KLHL29: variants seen among roughly 807,000 people sequenced by gnomAD.
KLHL29 encodes the protein kelch like family member 29, also known as kelch-like protein 29.
KLHL29 carries 21 observed loss-of-function variants against 80.4 expected under a neutral mutation model. That is an observed-to-expected ratio of 0.26 (90% CI 0.19 to 0.38). KLHL29 has a LOEUF of 0.38. KLHL29 is among the 10% of genes least tolerant of loss of function. The probability of loss-of-function intolerance (pLI) is 1.00; values close to 1 mark genes in which losing one functional copy is unlikely to be tolerated. For synonymous variants in KLHL29, 511 were observed against 526.8 expected, an observed-to-expected ratio of 0.97 and a Z score of 0.41; for missense variants, 867 against 1,223.9, an observed-to-expected ratio of 0.71 and a Z score of 4.35.
At chr2:23,548,083 G>C (rs1667024198) in intron 2 of KLHL29, among the ~76,000 whole-genome samples, 1 of 152,204 alleles carries the variant, frequency 6.6e-6, no homozygotes, top group Non-Finnish European at 1.5e-5. Context: ...GCCGAGGCAG[G>C]GCCCTGGGGA....
intron 1 of KLHL29, among the ~76,000 whole-genome samples, chr2:23,472,266 C>T (rs1470915716): frequency 5.9e-5 from 9 of 152,218 alleles, no homozygotes; most frequent in African/African-American, 2.2e-4. Flanking sequence ...TGGTTGGGGT[C>T]GGCAAAGATG....
rs150131401 is a variant in KLHL29, at chr2:23,670,917, G to GCGCGCGCACTCTCT, written c.941-13481_941-13480insGCGCGCACTCTCTC. On this transcript the variant is annotated intron_variant, in intron 5 of 13. Coordinates refer to ENST00000486442, the MANE Select transcript of KLHL29 (RefSeq NM_052920.2). Reference sequence around the variant, plus strand: ...GAGGGGTCTCTACACACATGCACGCGCTCTCTCTCTCTCTCTCTCTCTCTC... The same window carrying GCGCGCGCACTCTCT: ...GAGGGGTCTCTACACACATGCACGCGCGCGCGCACTCTCTCTCTCTCTCTCTCTCTCTCTCTCTC... Among the ~76,000 whole-genome samples, 54 of 18,566 alleles carry GCGCGCGCACTCTCT rather than the reference G, an allele frequency of 2.9e-3. 17 individuals are homozygous for GCGCGCGCACTCTCT. The highest frequency in any genetic ancestry group is 3.8e-3 in the East Asian group (2 of 528). 12.2% of individuals were successfully genotyped at this position (18,566 alleles called of 152,430 possible).
chr2:23,404,787 T>C (rs1307431763), intron 1 of KLHL29, among the ~76,000 whole-genome samples: 4 of 152,250 alleles, frequency 2.6e-5, no homozygotes, highest in African/African-American at 9.6e-5. Flanking sequence ...TTTTATGTCT[T>C]ATTCCCAGAA....
At chr2:23,555,911 G>A (rs1308008576) in intron 2 of KLHL29, among the ~76,000 whole-genome samples, 1 of 152,240 alleles carries the variant, frequency 6.6e-6, no homozygotes, top group Non-Finnish European at 1.5e-5. Context: ...GCTGCATTTG[G>A]TGATGCTGGG....
chr2:23,553,479 C>G (rs1487892978), intron 2 of KLHL29, among the ~76,000 whole-genome samples: 1 of 152,136 alleles, frequency 6.6e-6, no homozygotes, highest in East Asian at 1.9e-4. Flanking sequence ...AATGTGAGGC[C>G]TTGGGTCCAG....
intron 3 of KLHL29, among the ~76,000 whole-genome samples, chr2:23,630,024 G>C (rs1558415566): frequency 6.6e-6 from 1 of 152,210 alleles, no homozygotes; most frequent in Non-Finnish European, 1.5e-5. Flanking sequence ...TTTCCAGAAG[G>C]AAGAAGGAGG....
At chr2:23,612,943 A>G (rs752563274) in intron 3 of KLHL29, among the ~76,000 whole-genome samples, 2 of 152,228 alleles carry the variant, frequency 1.3e-5, no homozygotes, top group Non-Finnish European at 2.9e-5. Flanking sequence ...CAACATATAT[A>G]GAGAGAAATA....
Position 23,555,490 on chromosome 2 carries a change from CTGGCACCCCATGATGCTG to C in KLHL29, c.-45-6661_-45-6644del, listed in dbSNP as rs375960260. On this transcript the variant is annotated intron_variant, in intron 2 of 13. Coordinates refer to ENST00000486442, the MANE Select transcript of KLHL29 (RefSeq NM_052920.2). ...CTCATTCCTGCCTCTCCCAGGTGCT[CTGGCACCCCATGATGCTG>C]ACCATGCTGAAGATTTGGCCCCATG... Among the ~76,000 whole-genome samples the C allele has an allele frequency of 7.5e-4, 114 of 152,366 alleles. 1 individual carries two copies. The highest frequency in any genetic ancestry group is 2.7e-3 in the African/African-American group (113 of 41,590).
At chr2:23,634,064 G>C (rs1267142398) in intron 3 of KLHL29, among the ~76,000 whole-genome samples, 1 of 152,118 alleles carries the variant, frequency 6.6e-6, no homozygotes, top group Admixed American at 6.5e-5. Flanking sequence ...CCCTGGTGTA[G>C]GTGTCCCATT....
intron 2 of KLHL29, among the ~76,000 whole-genome samples, chr2:23,497,929 G>A (rs751435984): frequency 9.9e-5 from 15 of 152,160 alleles, no homozygotes; most frequent in Non-Finnish European, 2.1e-4. Context: ...TGGAACTACG[G>A]GAAGGGCTGA....
intron 2 of KLHL29, among the ~76,000 whole-genome samples, chr2:23,496,538 C>T (rs1307465570): frequency 6.6e-6 from 1 of 152,168 alleles, no homozygotes; most frequent in African/African-American, 2.4e-5. Context: ...AAAAGGGTAC[C>T]CCGCCAGTGT....
In KLHL29 at chr2:23,455,637, A is replaced by T. The variant is rs556451507; in HGVS notation, c.-153-19923A>T. Among the ~76,000 whole-genome samples, 58 of 124,564 alleles carry T rather than the reference A, an allele frequency of 4.7e-4. 1 individual carries two copies. The highest frequency in any genetic ancestry group is 1.8e-3 in the African/African-American group (56 of 31,628). 81.7% of individuals were successfully genotyped at this position (124,564 alleles called of 152,430 possible). A position where few individuals can be genotyped will look rare whatever the true frequency, so the allele number is the denominator to read the frequency against. ...TTTTTTTTTTTTTTTTTTGAGACCG[A>T]GTCTCCATCTGTCACCAAGGCTGGA... On this transcript the variant is annotated intron_variant, in intron 1 of 13. Coordinates refer to ENST00000486442, the MANE Select transcript of KLHL29 (RefSeq NM_052920.2).
rs1453230734 is a variant in KLHL29, at chr2:23,642,677, A to T, written c.767A>T (p.His256Leu). 1 of 1,547,936 alleles carries T rather than the reference A, an allele frequency of 6.5e-7. No individual in the cohort carries two copies. The highest frequency in any genetic ancestry group is 2.0e-5 in the Admixed American group (1 of 50,890). Residue 256 changes from histidine to leucine, a missense_variant, in exon 5 of 14, where the codon CAC becomes CTC. Transcript: ENST00000486442. ...GGACCCACCGCTGTGGGCAACGGCC[A>T]CATGGCAGGGCCCCTGCTGCCTCCA... is the stretch of plus-strand genomic sequence containing the variant. ...RPGPTAVGNG[H>L]MAGPLLPPPP...
chr2:23,608,294 A>C (rs997497548), intron 3 of KLHL29, among the ~76,000 whole-genome samples: 1 of 152,198 alleles, frequency 6.6e-6, no homozygotes, highest in Non-Finnish European at 1.5e-5. Context: ...TGTTCTCCTA[A>C]ACATATCTAT....
chr2:23,621,783 A>G (rs911242767), intron 3 of KLHL29, among the ~76,000 whole-genome samples: 1 of 152,222 alleles, frequency 6.6e-6, no homozygotes, highest in South Asian at 2.1e-4. Context: ...TGCTGTGTGC[A>G]CTGGCATCAA....
At chr2:23,673,061 G>A (rs1347898769) in intron 5 of KLHL29, among the ~76,000 whole-genome samples, 3 of 152,112 alleles carry the variant, frequency 2.0e-5, no homozygotes, top group Non-Finnish European at 2.9e-5. Context: ...AAAGATGATG[G>A]GTTGGTTTGC....
chr2:23,691,888 G>A lies in KLHL29; in HGVS notation c.1282+12G>A. 2 of 1,546,928 alleles carry A rather than the reference G, an allele frequency of 1.3e-6. No individual in the cohort carries two copies. Among genetic ancestry groups the A allele is most frequent in the Non-Finnish European group, 1.7e-6 (2 of 1,146,824 alleles). Reference sequence around the variant, plus strand: ...CGTGTCCTTTCTCGGTGAGCCCGGGGGCCACATATGTCGCTTGGGGGGAAG... The same window carrying A: ...CGTGTCCTTTCTCGGTGAGCCCGGGAGCCACATATGTCGCTTGGGGGGAAG... On this transcript the variant is annotated intron_variant, in intron 7 of 13. Transcript: ENST00000486442.
chr2:23,527,519 AGCTGTGAGCAGAACTTAGAG>A (rs1167751066), intron 2 of KLHL29, among the ~76,000 whole-genome samples: 99 of 152,332 alleles, frequency 6.5e-4, no homozygotes, highest in Non-Finnish European at 2.4e-4. Flanking sequence ...CTGCTTAGAA[AGCTGTGAGCAGAACTTAGAG>A]GCTGTGAGCA....
Position 23,657,293 on chromosome 2 carries a change from T to A in KLHL29, c.940+14443T>A, listed in dbSNP as rs59577316. Among the ~76,000 whole-genome samples, 735 of 152,346 alleles carry A rather than the reference T, an allele frequency of 4.8e-3. 3 individuals are homozygous for A. The highest frequency in any genetic ancestry group is 0.017 in the African/African-American group (706 of 41,578). Reference sequence around the variant, plus strand: ...CTGAGGACGAAGGCAGTTCGTGATGTAGCGTATTCAAGGCTCTCAGAATCC... The same window carrying A: ...CTGAGGACGAAGGCAGTTCGTGATGAAGCGTATTCAAGGCTCTCAGAATCC... On this transcript the variant is annotated intron_variant, in intron 5 of 13. Coordinates refer to ENST00000486442, the MANE Select transcript of KLHL29 (RefSeq NM_052920.2).
Sources: gnomAD v4.1 joint callset for allele counts (sites outside exome capture counted in the v4.1 genomes callset) on GRCh38, gnomAD v4.1.1 for gene constraint, MANE v1.5 for transcripts, NCBI Gene and HGNC (gene_info 2026-07-23, HGNC 2026-07-21) for gene names.